The following GATAD2B variants were observed in gnomAD, a reference collection of about 807,000 sequenced individuals.
GATAD2B encodes the protein GATA zinc finger domain containing 2B.
Under a neutral mutation model 64.3 loss-of-function variants are expected in GATAD2B, and 8 were observed. The observed-to-expected ratio is 0.12, with a 90% CI of 0.07 to 0.22. The LOEUF (loss-of-function observed/expected upper bound fraction) is 0.22. Among genes scored for constraint, GATAD2B ranks in the 10% least tolerant of loss-of-function variants. The pLI is 1.00. For missense variants in GATAD2B, 453 were observed against 752.0 expected, an observed-to-expected ratio of 0.60 and a Z score of 4.65; for synonymous variants, 281 against 271.3, an observed-to-expected ratio of 1.04 and a Z score of -0.35.
rs1365856733 is a variant in GATAD2B at position 153,806,409 on chromosome 1, G to A, written c.*3768C>T. ...TGGTGGGGGAGGTGGCATCTCTAAG[G>A]AGGGATGGGGTTGGAGCAGCTGCCA... On this transcript the variant is annotated 3_prime_UTR_variant, in exon 11 of 11. Transcript: ENST00000368655. The A allele has an allele frequency of 1.3e-5, 2 of 150,512 alleles. No individual in the cohort carries two copies. Among genetic ancestry groups the A allele is most frequent in the Admixed American group, 6.6e-5 (1 of 15,162 alleles). The allele number at this position is 150,512 out of a possible 1,614,324, so 9.3% of individuals were successfully genotyped here. A position where few individuals can be genotyped will look rare whatever the true frequency, so the allele number is the denominator to read the frequency against.
At chr1:153,820,608 C>T (rs1005165524) in intron 2 of GATAD2B, among the ~76,000 whole-genome samples, 2 of 152,002 alleles carry the variant, frequency 1.3e-5, no homozygotes, top group East Asian at 1.9e-4. Context: ...GTATATAGGT[C>T]GAGGGCAATT....
rs141577777 is a variant in GATAD2B, at chr1:153,913,044, C to T, written c.-2+9689G>A. ...TAGAGGTTGCAGTGAGCCAAGATCA[C>T]GATACTGCACTCCAGCCTGGGCAAC... On this transcript the variant is annotated intron_variant, in intron 1 of 10. Coordinates refer to ENST00000368655, the MANE Select transcript of GATAD2B (RefSeq NM_020699.4). Among the ~76,000 whole-genome samples, 310 of 152,164 alleles carry T rather than the reference C, an allele frequency of 2.0e-3. 1 individual carries two copies. Among genetic ancestry groups the T allele is most frequent in the African/African-American group, 7.2e-3 (298 of 41,518 alleles).
chr1:153,853,102 C>T (rs879245984), intron 1 of GATAD2B: 1 of 1,485,742 alleles, frequency 6.7e-7, no homozygotes, highest in Admixed American at 1.7e-5. Context: ...TTGGCAACAA[C>T]CTGAGTTGAT....
chr1:153,855,840 G>A (rs1162654018), intron 1 of GATAD2B, among the ~76,000 whole-genome samples: 1 of 151,866 alleles, frequency 6.6e-6, no homozygotes, highest in Admixed American at 6.6e-5. Flanking sequence ...GCATCACCAC[G>A]CCCAGCTAAT....
chr1:153,853,266 C>A, intron 1 of GATAD2B: 1 of 955,762 alleles, frequency 1.0e-6, no homozygotes, highest in South Asian at 1.3e-5. Context: ...CCCTTCCCTG[C>A]CATCTCACAC....
intron 1 of GATAD2B, among the ~76,000 whole-genome samples, chr1:153,911,753 C>T (rs199608911): frequency 6.6e-6 from 1 of 151,328 alleles, no homozygotes; most frequent in African/African-American, 2.4e-5. Flanking sequence ...AAACAAAAAA[C>T]AAAAAAAACA....
At chr1:153,897,730 T>C (rs976728971) in intron 1 of GATAD2B, among the ~76,000 whole-genome samples, 1 of 152,160 alleles carries the variant, frequency 6.6e-6, no homozygotes. Flanking sequence ...TCACCACTCC[T>C]GCTATATAGG....
In GATAD2B at chr1:153,816,648, G is replaced by A. The variant is rs1255258151; in HGVS notation, c.901-60C>T. Reference sequence around the variant, plus strand: ...TGCAGGAGAAAGGGCCAATTCTTACGTTCTTGGCAGAGGACACTGTCTGAT... The same window carrying A: ...TGCAGGAGAAAGGGCCAATTCTTACATTCTTGGCAGAGGACACTGTCTGAT... On this transcript the variant is annotated intron_variant, in intron 6 of 10. Transcript: ENST00000368655. This position sits in a 1 kb window ranked among gnomAD's most constrained non-coding sequence, Gnocchi z 4.9. The A allele has an allele frequency of 1.6e-5, 18 of 1,124,562 alleles. No homozygotes were observed. The highest frequency in any genetic ancestry group is 3.0e-5 in the African/African-American group (2 of 65,696). 69.7% of individuals were successfully genotyped at this position (1,124,562 alleles called of 1,614,324 possible).
chr1:153,822,460 A>C (rs1447806464), intron 2 of GATAD2B, among the ~76,000 whole-genome samples: 1 of 152,204 alleles, frequency 6.6e-6, no homozygotes, highest in Non-Finnish European at 1.5e-5. Flanking sequence ...TTTTATTCCC[A>C]GATATAAACA....
intron 1 of GATAD2B, among the ~76,000 whole-genome samples, chr1:153,840,161 T>C (rs1290360094): frequency 7.6e-5 from 11 of 145,600 alleles, no homozygotes; most frequent in Non-Finnish European, 1.5e-4. Context: ...GCCTCCTGAG[T>C]AGCTGGGATT....
At position 153,852,748 on chromosome 1, in the gene GATAD2B, T is replaced by C. The variant is rs115018417; in HGVS notation, c.-1-24400A>G. On this transcript the variant is annotated intron_variant, in intron 1 of 10. Coordinates refer to ENST00000368655, the MANE Select transcript of GATAD2B (RefSeq NM_020699.4). ...AAGCTTGGTAGACAGGGAGTGAAGC[T>C]TGGTAGACAGGGATCCCAGTCTAAC... 4.2e-3 allele frequency: 3,875 copies of C among 921,212 alleles called. 107 individuals are homozygous for C. In the African/African-American group the frequency reaches 0.055, roughly 13 times the overall value. The allele number at this position is 921,212 out of a possible 1,614,324, so 57.1% of individuals were successfully genotyped here. A position where few individuals can be genotyped will look rare whatever the true frequency, so the allele number is the denominator to read the frequency against.
intron 10 of GATAD2B, among the ~76,000 whole-genome samples, 156 bp from the exon 11 acceptor site, chr1:153,810,466 C>A (rs1351250115): frequency 6.6e-6 from 1 of 152,170 alleles, no homozygotes. Context: ...CAGCAACTTT[C>A]TTTTTCTTTT....
chr1:153,834,174 T>C (rs770609719), intron 1 of GATAD2B, among the ~76,000 whole-genome samples: 1 of 150,968 alleles, frequency 6.6e-6, no homozygotes, highest in Non-Finnish European at 1.5e-5. Flanking sequence ...AGCTAATTTT[T>C]TGTATTTTTG....
intron 1 of GATAD2B, among the ~76,000 whole-genome samples, chr1:153,842,619 G>A (rs977698517): frequency 6.6e-6 from 1 of 150,576 alleles, no homozygotes; most frequent in Non-Finnish European, 1.5e-5. Flanking sequence ...TTCCAATATT[G>A]TTTTTGCTTT....
chr1:153,836,744 G>A (rs1675283783), intron 1 of GATAD2B, among the ~76,000 whole-genome samples: 1 of 152,050 alleles, frequency 6.6e-6, no homozygotes, highest in Admixed American at 6.6e-5. Flanking sequence ...TAAGTTTTGA[G>A]ATATATTCAC....
Position 153,814,479 on chromosome 1 carries a change from A to G in GATAD2B, c.1217-1027T>C, listed in dbSNP as rs187569218. 1.8e-4 allele frequency among the ~76,000 whole-genome samples: 28 copies of G among 152,322 alleles called. No homozygotes were observed. In the East Asian group the frequency reaches 4.8e-3, roughly 26 times the overall value. On this transcript the variant is annotated intron_variant, in intron 7 of 10. Transcript: ENST00000368655. ...TGTTGCAAAAACACTCACATTAAAA[A>G]CAGAAGTTCCAGGCCAGGCATGGTG... is the stretch of plus-strand genomic sequence containing the variant.
In GATAD2B at chr1:153,836,267, T is replaced by G. The variant is rs1191089402; in HGVS notation, c.-1-7919A>C. Among the ~76,000 whole-genome samples, 6 of 149,930 alleles carry G rather than the reference T, an allele frequency of 4.0e-5. No homozygotes were observed. The East Asian group carries it at 5.8e-4, about 14-fold the overall frequency. On this transcript the variant is annotated intron_variant, in intron 1 of 10. Transcript: ENST00000368655. ...CTCATCTCTAAAAAAAAATTTGTTT[T>G]TTTTTTTTTTTTTTTAGACAGTCTG...
At chr1:153,822,957 A>T (rs1674735577) in intron 2 of GATAD2B, among the ~76,000 whole-genome samples, 1 of 151,898 alleles carries the variant, frequency 6.6e-6, no homozygotes, top group African/African-American at 2.4e-5. Flanking sequence ...GCTAGTTTTT[A>T]AATTTTTTGT....
intron 1 of GATAD2B, among the ~76,000 whole-genome samples, chr1:153,850,828 G>A (rs540525486): frequency 3.4e-4 from 52 of 152,116 alleles, no homozygotes; most frequent in South Asian, 3.1e-3. Context: ...GGCTGCGGCA[G>A]GAGAATCGCT....
Sources: gnomAD v4.1 joint callset for allele counts (sites outside exome capture counted in the v4.1 genomes callset) on GRCh38, gnomAD v4.1.1 for gene constraint, Gnocchi (gnomAD v3.1) non-coding constraint, MANE v1.5 for transcripts, NCBI Gene and HGNC (gene_info 2026-07-23, HGNC 2026-07-21) for gene names.